Variants in RYR2 observed in about 807,000 individuals in gnomAD.
RYR2 encodes the protein ryanodine receptor 2.
A neutral mutation model predicts 601.1 loss-of-function variants in RYR2; 227 were observed. The observed-to-expected ratio is 0.38, with a 90% CI of 0.34 to 0.42. RYR2 has a LOEUF of 0.42. Among genes scored for constraint, RYR2 ranks in the 10% least tolerant of loss-of-function variants. The probability of loss-of-function intolerance (pLI) is 1.00; values close to 1 mark genes in which losing one functional copy is unlikely to be tolerated. For missense variants in RYR2, 4,646 were observed against 6,156.5 expected, an observed-to-expected ratio of 0.75 and a Z score of 8.21; for synonymous variants, 2,223 against 2,175.1, an observed-to-expected ratio of 1.02 and a Z score of -0.61.
intron 42 of RYR2, among the ~76,000 whole-genome samples, chr1:237,632,038 T>C (rs1263418240): frequency 6.6e-6 from 1 of 152,118 alleles, no homozygotes. Flanking sequence ...TTGAACGTAC[T>C]ACTAGTTTTT....
At chr1:237,768,034 A>G (rs1314869520) in intron 84 of RYR2, among the ~76,000 whole-genome samples, 1 of 152,172 alleles carries the variant, frequency 6.6e-6, no homozygotes, top group Non-Finnish European at 1.5e-5. Context: ...GAGTCTATTT[A>G]TCCTAATTCA....
intron 1 of RYR2, among the ~76,000 whole-genome samples, chr1:237,136,837 G>GA (rs966074590): frequency 6.6e-6 from 1 of 151,910 alleles, no homozygotes; most frequent in Non-Finnish European, 1.5e-5. Flanking sequence ...CCAACATGGT[G>GA]AAACCCCATC....
rs191477563 is a variant in RYR2, at chr1:237,147,400, T to C, written c.48+104831T>C. On this transcript the variant is annotated intron_variant, in intron 1 of 104. Coordinates refer to ENST00000366574, the MANE Select transcript of RYR2 (RefSeq NM_001035.3). ...ATCCAATGAAAAAATATTATGAGGG[T>C]ATGGGGGTAGGGGTGGAAATACACA... 2.4e-3 allele frequency among the ~76,000 whole-genome samples: 372 copies of C among 151,982 alleles called. 2 individuals carry two copies. The highest frequency in any genetic ancestry group is 8.6e-3 in the African/African-American group (356 of 41,476).
Position 237,500,868 on chromosome 1 carries a change from C to T in RYR2, c.2361C>T (p.Leu787=), listed in dbSNP as rs772650796. 5 of 1,613,936 alleles carry T rather than the reference C, an allele frequency of 3.1e-6. No homozygotes were observed. The African/African-American group carries it at 5.3e-5, about 17-fold the overall frequency. The change falls in exon 21 of 105, where the codon CTC becomes CTT. Residue 787 remains leucine (L), a synonymous_variant. Transcript: ENST00000366574. The part of the protein sequence containing the change: ...GMFENFNIDG[L]FFPVVSFSAG... ...TTGAGAATTTCAACATCGATGGCCT[C>T]TTCTTTCCAGTCGTTAGTTTCTCTG...
At position 237,756,509 on chromosome 1, in the gene RYR2, A is replaced by G. The variant is rs141140399; in HGVS notation, c.11245+122A>G. On this transcript the variant is annotated intron_variant, in intron 81 of 104. Coordinates refer to ENST00000366574, the MANE Select transcript of RYR2 (RefSeq NM_001035.3). ...GTCCTGGGGTTTCTGGTTCATGACT[A>G]TATCAGGTGCCTATTCACAAATACG... The G allele has an allele frequency of 5.3e-5, 31 of 583,230 alleles. No individual in the cohort carries two copies. In the Middle Eastern group the frequency reaches 2.5e-3, roughly 48 times the overall value. 36.1% of individuals were successfully genotyped at this position (583,230 alleles called of 1,614,324 possible).
intron 1 of RYR2, among the ~76,000 whole-genome samples, chr1:237,082,524 C>CAT (rs71561856): frequency 0.1 from 8,286 of 79,672 alleles, 519 homozygotes; most frequent in South Asian, 0.14. Flanking sequence ...AATAGGAAAA[C>CAT]ATATATATAT....
Position 237,150,956 on chromosome 1 carries a change from AC to A in RYR2, c.48+108389del, listed in dbSNP as rs138415372. Among the ~76,000 whole-genome samples the A allele has an allele frequency of 6.2e-3, 937 of 152,176 alleles. 7 individuals are homozygous for A. Among genetic ancestry groups the A allele is most frequent in the South Asian group, 0.032 (154 of 4,818 alleles). On this transcript the variant is annotated intron_variant, in intron 1 of 104. Transcript: ENST00000366574. ...TGGTGGTTTTAGTTTTACTTGGAGA[AC>A]CTTTCTTCTTTTAGATCTCAGGGTT...
At chr1:237,371,098 T>G (rs1201919674) in intron 6 of RYR2, among the ~76,000 whole-genome samples, 1 of 151,756 alleles carries the variant, frequency 6.6e-6, no homozygotes, top group Non-Finnish European at 1.5e-5. Context: ...TTTTAATCTC[T>G]TCTGTCCTTA....
intron 1 of RYR2, among the ~76,000 whole-genome samples, chr1:237,143,784 G>A (rs1320840132): frequency 6.6e-6 from 1 of 152,038 alleles, no homozygotes; most frequent in African/African-American, 2.4e-5. Flanking sequence ...GACCAGTGTT[G>A]GGGAAAAAGA....
intron 1 of RYR2, among the ~76,000 whole-genome samples, chr1:237,052,029 C>T (rs550990239): frequency 2.0e-5 from 3 of 152,126 alleles, no homozygotes; most frequent in Non-Finnish European, 2.9e-5. Context: ...GGAATTGCAT[C>T]GAACTGATTC....
chr1:237,583,320 G>A (rs981904365), intron 29 of RYR2, among the ~76,000 whole-genome samples: 12 of 151,932 alleles, frequency 7.9e-5, no homozygotes, highest in African/African-American at 2.9e-4. Flanking sequence ...TATAGATTCT[G>A]GATATTAGGA....
At chr1:237,761,616 C>CT (rs751581118) in intron 84 of RYR2, among the ~76,000 whole-genome samples, 9 of 152,160 alleles carry the variant, frequency 5.9e-5, no homozygotes, top group Non-Finnish European at 1.2e-4. Flanking sequence ...ATTTTTCTCT[C>CT]TCTAAATAGA....
chr1:237,105,980 AC>A (rs1668632679), intron 1 of RYR2, among the ~76,000 whole-genome samples: 1 of 152,098 alleles, frequency 6.6e-6, no homozygotes, highest in African/African-American at 2.4e-5. Context: ...CAGTGCCAGC[AC>A]CAACGTGGGA....
Position 237,831,264 on chromosome 1 carries a change from T to G in RYR2, c.14757-250T>G, listed in dbSNP as rs187616840. ...CTAGTCTTCAGTTCTAATTCATCAG[T>G]GTTGATTTGATTCTGACCAGTGTGT... On this transcript the variant is annotated intron_variant, in intron 103 of 104. Transcript: ENST00000366574. Among the ~76,000 whole-genome samples, 13 of 152,320 alleles carry G rather than the reference T, an allele frequency of 8.5e-5. 1 individual carries two copies. Among genetic ancestry groups the G allele is most frequent in the Non-Finnish European group, 1.9e-4 (13 of 68,028 alleles).
At chr1:237,207,574 ATCT>A (rs1468810410) in intron 1 of RYR2, among the ~76,000 whole-genome samples, 1 of 152,176 alleles carries the variant, frequency 6.6e-6, no homozygotes, top group Admixed American at 6.5e-5. Flanking sequence ...TGCAGCCTTC[ATCT>A]TCTTTTGCCC....
intron 2 of RYR2, among the ~76,000 whole-genome samples, chr1:237,317,628 TACGGTTTA>T (rs1443185219): frequency 3.3e-5 from 5 of 152,154 alleles, no homozygotes; most frequent in African/African-American, 1.2e-4. Context: ...CATTTGGAAA[TACGGTTTA>T]ACTTCTTTTC....
chr1:237,085,123 A>G (rs1666162290), intron 1 of RYR2, among the ~76,000 whole-genome samples: 1 of 152,248 alleles, frequency 6.6e-6, no homozygotes. Flanking sequence ...TTTGAAGTGC[A>G]ACAGATATTT....
rs566399819 is a variant in RYR2, at chr1:237,585,265, G to C, written c.3599-4528G>C. Among the ~76,000 whole-genome samples the C allele has an allele frequency of 2.0e-5, 3 of 152,280 alleles. No individual in the cohort carries two copies. In the South Asian group the frequency reaches 6.2e-4, roughly 32 times the overall value. ...CTTGGATTTATTTTCTGGTCACTTA[G>C]TAGCTGTGAGGGCAAGTGATTTAAA... On this transcript the variant is annotated intron_variant, in intron 29 of 104. Coordinates refer to ENST00000366574, the MANE Select transcript of RYR2 (RefSeq NM_001035.3).
intron 14 of RYR2, 32 bp downstream of exon 14, chr1:237,445,554 A>C: frequency 6.2e-7 from 1 of 1,610,748 alleles, no homozygotes; most frequent in Non-Finnish European, 8.5e-7. Flanking sequence ...TAGTTGTTTG[A>C]TACTTCATTT....
Sources: allele counts gnomAD v4.1 joint callset (sites outside exome capture counted in the v4.1 genomes callset), GRCh38; gene constraint gnomAD v4.1.1; transcripts MANE v1.5; gene names NCBI Gene and HGNC (gene_info 2026-07-23, HGNC 2026-07-21).